Variants in PDSS2 observed in about 807,000 individuals in gnomAD.
PDSS2 encodes the protein all trans-polyprenyl-diphosphate synthase PDSS2.
Under a neutral mutation model 44.5 loss-of-function variants are expected in PDSS2, and 31 were observed. The ratio of observed to expected loss-of-function variants is 0.70; its 90% confidence interval spans 0.52 to 0.94. The LOEUF (loss-of-function observed/expected upper bound fraction) is 0.94. Among genes scored for constraint, PDSS2 ranks in the 40% least tolerant of loss-of-function variants. The pLI is 0.00. For missense variants in PDSS2, 452 were observed against 482.2 expected (o/e 0.94, Z 0.59); for synonymous variants, 157 against 180.3 (o/e 0.87, Z 1.03).
At chr6:107,299,951 G>A (rs1250138278) in intron 2 of PDSS2, among the ~76,000 whole-genome samples, 1 of 152,038 alleles carries the variant, frequency 6.6e-6, no homozygotes. Context: ...CAGGTACATA[G>A]CACCCCTAGC....
intron 1 of PDSS2, among the ~76,000 whole-genome samples, chr6:107,389,780 C>T (rs972079632): frequency 3.4e-4 from 52 of 152,056 alleles, no homozygotes; most frequent in African/African-American, 1.2e-3. Flanking sequence ...ATCCACAACC[C>T]AGATATTGGT....
chr6:107,281,535 G>A (rs1032168097), intron 2 of PDSS2, among the ~76,000 whole-genome samples: 1 of 152,166 alleles, frequency 6.6e-6, no homozygotes, highest in African/African-American at 2.4e-5. Context: ...AGACAGTCCT[G>A]TATCATTTAG....
intron 1 of PDSS2, among the ~76,000 whole-genome samples, chr6:107,343,879 G>T (rs533199084): frequency 6.6e-6 from 1 of 151,992 alleles, no homozygotes; most frequent in African/African-American, 2.4e-5. Context: ...ACTACCAAAC[G>T]GTAACAAGTG....
intron 2 of PDSS2, among the ~76,000 whole-genome samples, chr6:107,292,834 T>C (rs979507537): frequency 5.9e-5 from 9 of 152,208 alleles, no homozygotes; most frequent in African/African-American, 1.9e-4. Context: ...GGGGCTCTTA[T>C]CTGCCAGAGG....
At chr6:107,385,184 T>C (rs953522026) in intron 1 of PDSS2, among the ~76,000 whole-genome samples, 4 of 152,138 alleles carry the variant, frequency 2.6e-5, no homozygotes, top group African/African-American at 9.7e-5. Flanking sequence ...GACCGTAATA[T>C]AGAAGATACT....
At chr6:107,389,786 T>C (rs1779724074) in intron 1 of PDSS2, among the ~76,000 whole-genome samples, 2 of 152,120 alleles carry the variant, frequency 1.3e-5, no homozygotes, top group African/African-American at 4.8e-5. Context: ...AACCCAGATA[T>C]TGGTTTCTAA....
chr6:107,435,463 TA>T (rs1273893079), intron 1 of PDSS2, among the ~76,000 whole-genome samples: 1 of 152,148 alleles, frequency 6.6e-6, no homozygotes, highest in African/African-American at 2.4e-5. Flanking sequence ...TATTTTAAAA[TA>T]ATCAAAAATG....
chr6:107,356,984 C>T (rs984223992), intron 1 of PDSS2, among the ~76,000 whole-genome samples: 1 of 151,974 alleles, frequency 6.6e-6, no homozygotes, highest in African/African-American at 2.4e-5. Flanking sequence ...AGGTTTAATT[C>T]TAAAAAAATT....
intron 3 of PDSS2, among the ~76,000 whole-genome samples, chr6:107,265,518 T>A (rs939408464): frequency 1.3e-5 from 2 of 152,230 alleles, no homozygotes; most frequent in Non-Finnish European, 2.9e-5. Flanking sequence ...TGTATTAAGT[T>A]TTGCCTGTTT....
In PDSS2 at chr6:107,439,478, C is replaced by T. The variant is rs576257159; in HGVS notation, c.296+19512G>A. Among the ~76,000 whole-genome samples, 5 of 152,302 alleles carry T rather than the reference C, an allele frequency of 3.3e-5. No individual in the cohort carries two copies. In the South Asian group the frequency reaches 8.3e-4, roughly 25 times the overall value. ...CAACCATATTCCTGCTACATGCCAC[C>T]TCTCCCTCAAACTACACCTATGGCT... On this transcript the variant is annotated intron_variant, in intron 1 of 7. Coordinates refer to ENST00000369037, the MANE Select transcript of PDSS2 (RefSeq NM_020381.4).
chr6:107,295,496 T>C (rs936350237), intron 2 of PDSS2, among the ~76,000 whole-genome samples: 1 of 152,216 alleles, frequency 6.6e-6, no homozygotes, highest in African/African-American at 2.4e-5. Flanking sequence ...GGGGATGAAG[T>C]GTCCCCCGCG....
chr6:107,159,059 T>C (rs568130138), intron 7 of PDSS2, among the ~76,000 whole-genome samples: 1 of 152,082 alleles, frequency 6.6e-6, no homozygotes, highest in Non-Finnish European at 1.5e-5. Flanking sequence ...GTGGGGATAA[T>C]ATAAGTCCCT....
intron 7 of PDSS2, chr6:107,192,690 C>T (rs12193592): frequency 0.35 from 55,105 of 156,188 alleles, 9,931 homozygotes; most frequent in East Asian, 0.55. Flanking sequence ...GCGGGAGACC[C>T]GGACTTACGG....
At chr6:107,161,613 T>G (rs1366183031) in intron 7 of PDSS2, among the ~76,000 whole-genome samples, 2 of 152,062 alleles carry the variant, frequency 1.3e-5, no homozygotes, top group African/African-American at 4.8e-5. Context: ...ATAAATAAAG[T>G]TTTGTTGGGG....
At chr6:107,322,488 C>G in intron 2 of PDSS2, among the ~76,000 whole-genome samples, 1 of 152,030 alleles carries the variant, frequency 6.6e-6, no homozygotes. Context: ...CACTGTACTC[C>G]AGCCTGGGTG....
At chr6:107,307,375 T>G (rs899560006) in intron 2 of PDSS2, among the ~76,000 whole-genome samples, 3 of 152,198 alleles carry the variant, frequency 2.0e-5, no homozygotes, top group Non-Finnish European at 2.9e-5. Flanking sequence ...CACAAAGGGA[T>G]AGAACTACGC....
rs909666228 is a variant in PDSS2, at chr6:107,282,891, A to AT, written c.432-8665dup. Among the ~76,000 whole-genome samples, 274 of 143,396 alleles carry AT rather than the reference A, an allele frequency of 1.9e-3. 1 individual carries two copies. The highest frequency in any genetic ancestry group is 7.3e-3 in the Middle Eastern group (2 of 274). The allele number at this position is 143,396 out of a possible 152,430, so 94.1% of individuals were successfully genotyped here. On this transcript the variant is annotated intron_variant, in intron 2 of 7. Transcript: ENST00000369037. Reference sequence around the variant, plus strand: ...CTCAAAAAAAAAAAAAAAAAGAAGAATTTTTTTTTTTTGTAGAGACAGGGG... The same window carrying AT: ...CTCAAAAAAAAAAAAAAAAAGAAGAATTTTTTTTTTTTTGTAGAGACAGGGG...
At chr6:107,309,620 C>T (rs1199018753) in intron 2 of PDSS2, among the ~76,000 whole-genome samples, 6 of 152,132 alleles carry the variant, frequency 3.9e-5, no homozygotes, top group Non-Finnish European at 8.8e-5. Context: ...AATGCAGGAA[C>T]GGAAGGATGC....
chr6:107,237,911 A>AG (rs1233039603), intron 4 of PDSS2, among the ~76,000 whole-genome samples: 6 of 151,662 alleles, frequency 4.0e-5, no homozygotes, highest in African/African-American at 9.7e-5. Flanking sequence ...AAAAAAAAAA[A>AG]AAAAGAAAAG....
Sources: gnomAD v4.1 joint callset for allele counts (sites outside exome capture counted in the v4.1 genomes callset) on GRCh38, gnomAD v4.1.1 for gene constraint, MANE v1.5 for transcripts, NCBI Gene and HGNC (gene_info 2026-07-23, HGNC 2026-07-21) for gene names.